Variants in GLIS3 observed in about 807,000 individuals in gnomAD.
GLIS3 encodes the protein GLIS family zinc finger 3.
GLIS3 carries 53 observed loss-of-function variants against 78.6 expected under a neutral mutation model. The ratio of observed to expected loss-of-function variants is 0.67; its 90% CI spans 0.54 to 0.85. The LOEUF is 0.85. Ranked by LOEUF, GLIS3 falls within the 40% of genes least tolerant of loss-of-function variation. The pLI is 0.00. For synonymous variants in GLIS3, 684 were observed against 509.9 expected (o/e 1.34, Z -4.60); for missense variants, 1,703 against 1,231.1 (o/e 1.38, Z -5.74).
the GLIS3 span, among the ~76,000 whole-genome samples, chr9:4,481,317 C>T: frequency 1.3e-5 from 2 of 152,080 alleles, no homozygotes; most frequent in Non-Finnish European, 2.9e-5. Context: ...AACCCTGTCT[C>T]TACTAAAAAT....
chr9:4,283,618 T>C (rs1476938714), intron 2 of GLIS3, among the ~76,000 whole-genome samples: 1 of 152,196 alleles, frequency 6.6e-6, no homozygotes, highest in African/African-American at 2.4e-5. Context: ...TCCAACTCCT[T>C]GAGGGAAAGG....
At chr9:3,857,704 C>T (rs1819881186) in intron 8 of GLIS3, among the ~76,000 whole-genome samples, 1 of 152,150 alleles carries the variant, frequency 6.6e-6, no homozygotes, top group African/African-American at 2.4e-5. Flanking sequence ...AGTGACTGCA[C>T]CGTGCTGAGT....
At chr9:4,219,384 T>C (rs1204015290) in intron 2 of GLIS3, among the ~76,000 whole-genome samples, 2 of 152,244 alleles carry the variant, frequency 1.3e-5, no homozygotes, top group Non-Finnish European at 1.5e-5. Flanking sequence ...ATCTGGACAC[T>C]CACAGCCCCC....
chr9:4,415,432 C>T, the GLIS3 span, among the ~76,000 whole-genome samples: 1 of 152,198 alleles, frequency 6.6e-6, no homozygotes, highest in Non-Finnish European at 1.5e-5. Context: ...TCATACTTTG[C>T]CTCAGCCTTT....
chr9:4,259,402 G>A (rs993579523), intron 2 of GLIS3, among the ~76,000 whole-genome samples: 2 of 152,044 alleles, frequency 1.3e-5, no homozygotes, highest in Non-Finnish European at 2.9e-5. Context: ...GAAAAACACT[G>A]GAGAGTGCTC....
At chr9:3,902,855 T>C (rs1301441027) in intron 6 of GLIS3, among the ~76,000 whole-genome samples, 1 of 152,196 alleles carries the variant, frequency 6.6e-6, no homozygotes, top group Non-Finnish European at 1.5e-5. Context: ...AACCTTACTA[T>C]CTCATCTTCC....
In GLIS3 at chr9:3,827,044, C is replaced by T. The variant is rs1817760991; in HGVS notation, c.*1228G>A. ...AAACTGGAACTCAGAAAAAGAATTGCCTCTTTCTGTAGACTTTTCGAGAAC... is the reference window on the plus strand; with the variant it reads ...AAACTGGAACTCAGAAAAAGAATTGTCTCTTTCTGTAGACTTTTCGAGAAC... On this transcript the variant is annotated 3_prime_UTR_variant, in exon 11 of 11. Transcript: ENST00000381971. 1 of 152,104 alleles carries T rather than the reference C, an allele frequency of 6.6e-6. No individual in the cohort carries two copies. The highest frequency in any genetic ancestry group is 1.5e-5 in the Non-Finnish European group (1 of 68,028). 9.4% of individuals were successfully genotyped at this position (152,104 alleles called of 1,614,324 possible).
intron 6 of GLIS3, among the ~76,000 whole-genome samples, chr9:3,911,092 CCTTCCTTT>C (rs1179812515): frequency 3.3e-5 from 5 of 151,938 alleles, no homozygotes; most frequent in Admixed American, 6.6e-5. Flanking sequence ...AATCCATCTT[CCTTCCTTT>C]CTTCCTTCCT....
intron 4 of GLIS3, among the ~76,000 whole-genome samples, chr9:4,099,672 G>T (rs1830220365): frequency 6.6e-6 from 1 of 152,132 alleles, no homozygotes; most frequent in Non-Finnish European, 1.5e-5. Flanking sequence ...GCTCCAAAAT[G>T]CGGTTTGACT....
chr9:4,291,404 C>T (rs2130389834), intron 1 of GLIS3, among the ~76,000 whole-genome samples: 1 of 152,132 alleles, frequency 6.6e-6, no homozygotes, highest in Admixed American at 6.5e-5. Flanking sequence ...TCAATTCGAA[C>T]CTGTGCAATC....
At chr9:4,448,400 A>T in the GLIS3 span, among the ~76,000 whole-genome samples, 1 of 152,222 alleles carries the variant, frequency 6.6e-6, no homozygotes, top group Non-Finnish European at 1.5e-5. Flanking sequence ...AAAGTGTCTC[A>T]ACAGCTCCAG....
the GLIS3 span, among the ~76,000 whole-genome samples, chr9:4,435,839 C>T: frequency 6.6e-6 from 1 of 152,124 alleles, no homozygotes; most frequent in Non-Finnish European, 1.5e-5. Context: ...GTCCCAGCTA[C>T]TTGGGAGGCT....
chr9:4,351,065 A>G (rs1384396076), upstream of GLIS3, among the ~76,000 whole-genome samples: 3 of 152,094 alleles, frequency 2.0e-5, no homozygotes, highest in Admixed American at 6.5e-5. Context: ...ACTTCTCTGT[A>G]TAATAATCCA....
chr9:4,201,678 A>G (rs1292377675), intron 2 of GLIS3, among the ~76,000 whole-genome samples: 1 of 152,238 alleles, frequency 6.6e-6, no homozygotes, highest in Non-Finnish European at 1.5e-5. Flanking sequence ...TGCTGAAAAA[A>G]AATCAGAGGT....
chr9:4,095,670 G>A (rs893472359), intron 4 of GLIS3, among the ~76,000 whole-genome samples: 1 of 152,138 alleles, frequency 6.6e-6, no homozygotes, highest in Admixed American at 6.5e-5. Flanking sequence ...ATGAAAGTGA[G>A]CGAGCTATAA....
intron 2 of GLIS3, among the ~76,000 whole-genome samples, chr9:4,334,792 G>A (rs183475477): frequency 2.6e-5 from 4 of 152,134 alleles, no homozygotes; most frequent in Non-Finnish European, 4.4e-5. Flanking sequence ...CTTGTCCAAG[G>A]CCATTTTGTA....
chr9:4,220,711 A>G (rs894696368), intron 2 of GLIS3, among the ~76,000 whole-genome samples: 11 of 151,984 alleles, frequency 7.2e-5, no homozygotes, highest in Admixed American at 2.0e-4. Flanking sequence ...CCAGTGCAAC[A>G]TAAGTGAGAC....
At chr9:3,950,936 A>G (rs1343940136) in intron 4 of GLIS3, among the ~76,000 whole-genome samples, 2 of 152,246 alleles carry the variant, frequency 1.3e-5, no homozygotes, top group African/African-American at 4.8e-5. Flanking sequence ...ATAACCATAA[A>G]TTCATAGGAA....
chr9:4,436,714 G>A, the GLIS3 span, among the ~76,000 whole-genome samples: 1 of 147,530 alleles, frequency 6.8e-6, no homozygotes, highest in Non-Finnish European at 1.5e-5. Flanking sequence ...GCTGAGGCAG[G>A]AGAATTGCTT....
Sources: gnomAD v4.1 joint callset for allele counts (sites outside exome capture counted in the v4.1 genomes callset) on GRCh38, gnomAD v4.1.1 for gene constraint, MANE v1.5 for transcripts, NCBI Gene and HGNC (gene_info 2026-07-23, HGNC 2026-07-21) for gene names.